The following RBM20 variants were observed in gnomAD, a reference collection of about 807,000 sequenced individuals.
The protein encoded by RBM20 is RNA binding motif protein 20.
In RBM20, 51 loss-of-function variants were observed where a neutral mutation model predicts 110.1. That is an observed-to-expected ratio of 0.46 (90% CI 0.37 to 0.59). The LOEUF is 0.59. Ranked by LOEUF, RBM20 falls within the 20% of genes least tolerant of loss-of-function variation. The pLI, the probability that RBM20 is intolerant of heterozygous loss-of-function variation, is 0.00. For missense variants in RBM20, 1,512 were observed against 1,574.9 expected (o/e 0.96, Z 0.68); for synonymous variants, 589 against 618.2 (o/e 0.95, Z 0.70).
intron 1 of RBM20, among the ~76,000 whole-genome samples, chr10:110,655,984 A>G (rs1444621884): frequency 6.6e-6 from 1 of 152,070 alleles, no homozygotes; most frequent in Non-Finnish European, 1.5e-5. Flanking sequence ...GATCCATTAA[A>G]CCATTAAACA....
chr10:110,799,395 A>G (rs188459096), intron 6 of RBM20, among the ~76,000 whole-genome samples: 1 of 152,162 alleles, frequency 6.6e-6, no homozygotes, highest in Non-Finnish European at 1.5e-5. Flanking sequence ...TGATGTTTAT[A>G]AAAAGGTCTC....
intron 5 of RBM20, among the ~76,000 whole-genome samples, chr10:110,792,135 C>A (rs1844490802): frequency 8.0e-6 from 1 of 125,674 alleles, no homozygotes; most frequent in Non-Finnish European, 1.6e-5. Context: ...CTATCTTCCT[C>A]TATCTGTCTA....
intron 1 of RBM20, among the ~76,000 whole-genome samples, chr10:110,700,756 CT>C (rs1590625099): frequency 6.6e-6 from 1 of 152,168 alleles, no homozygotes; most frequent in East Asian, 1.9e-4. Flanking sequence ...TGGCTCACCC[CT>C]GTCATCCTAG....
At chr10:110,773,390 T>A (rs187464118) in intron 1 of RBM20, among the ~76,000 whole-genome samples, 100 of 152,274 alleles carry the variant, frequency 6.6e-4, no homozygotes, top group African/African-American at 2.2e-3. Context: ...TATTAAAAAA[T>A]TTTGAAGCAA....
intron 1 of RBM20, among the ~76,000 whole-genome samples, chr10:110,748,038 C>A (rs1843804938): frequency 6.6e-6 from 1 of 152,172 alleles, no homozygotes; most frequent in Non-Finnish European, 1.5e-5. Flanking sequence ...CAACCTATAG[C>A]ACCTTTTAAT....
intron 7 of RBM20, among the ~76,000 whole-genome samples, chr10:110,805,496 C>T (rs1837600244): frequency 6.6e-6 from 1 of 152,210 alleles, no homozygotes; most frequent in African/African-American, 2.4e-5. Context: ...GGGCATGAAA[C>T]TTTCCAGCAG....
chr10:110,647,758 T>C (rs1256177174), intron 1 of RBM20, among the ~76,000 whole-genome samples: 1 of 152,236 alleles, frequency 6.6e-6, no homozygotes, highest in African/African-American at 2.4e-5. Flanking sequence ...AATCGTGAGC[T>C]TTAAAGTCAA....
chr10:110,662,082 C>T (rs924707341), intron 1 of RBM20, among the ~76,000 whole-genome samples: 8 of 151,308 alleles, frequency 5.3e-5, no homozygotes, highest in Non-Finnish European at 8.8e-5. Context: ...GCTGGGAGGA[C>T]GCTCAAGGGA....
At chr10:110,693,093 G>T (rs1862611702) in intron 1 of RBM20, among the ~76,000 whole-genome samples, 1 of 151,996 alleles carries the variant, frequency 6.6e-6, no homozygotes, top group Non-Finnish European at 1.5e-5. Flanking sequence ...AACTATCTTT[G>T]CATTCTGTGA....
chr10:110,669,306 G>A (rs9651418), intron 1 of RBM20, among the ~76,000 whole-genome samples: 71,989 of 151,952 alleles, frequency 0.47, 17,260 homozygotes, highest in East Asian at 0.67. Flanking sequence ...GGCGGGGTAG[G>A]GGGGACAGGG....
intron 1 of RBM20, among the ~76,000 whole-genome samples, chr10:110,779,874 A>G (rs544702507): frequency 1.3e-5 from 2 of 152,368 alleles, no homozygotes; most frequent in Admixed American, 1.3e-4. Context: ...GAGGACAAGG[A>G]TGAAAATGTG....
intron 1 of RBM20, among the ~76,000 whole-genome samples, chr10:110,724,164 C>T (rs1422678105): frequency 6.6e-6 from 1 of 152,078 alleles, no homozygotes; most frequent in Non-Finnish European, 1.5e-5. Flanking sequence ...AAACAAATCC[C>T]GTCTGCCAGT....
chr10:110,666,683 G>A (rs773006291), intron 1 of RBM20, among the ~76,000 whole-genome samples: 1 of 136,578 alleles, frequency 7.3e-6, no homozygotes, highest in African/African-American at 2.8e-5. Context: ...TGGCCAGCAA[G>A]TAGGAGGCTG....
At position 110,739,090 on chromosome 10, in the gene RBM20, G is replaced by T. The variant is rs1192232624; in HGVS notation, c.192-41711G>T. On this transcript the variant is annotated intron_variant, in intron 1 of 13. Transcript: ENST00000369519. This position sits in a 1 kb window ranked among gnomAD's most constrained non-coding sequence, Gnocchi z 4.1. The stretch of plus-strand genomic sequence containing the variant: ...GACAGTCAGGAAGTACCTGTCGCAG[G>T]TGGCATTTTCTGGCTGGGCACAGGA... Among the ~76,000 whole-genome samples, 1 of 152,192 alleles carries T rather than the reference G, an allele frequency of 6.6e-6. No homozygotes were observed. Among genetic ancestry groups the T allele is most frequent in the East Asian group, 1.9e-4 (1 of 5,192 alleles).
intron 5 of RBM20, 133 bp downstream of exon 5, chr10:110,785,022 C>T (rs1844403251): frequency 1.6e-6 from 1 of 629,586 alleles, no homozygotes; most frequent in African/African-American, 1.8e-5. Context: ...GAACTAACTC[C>T]TGGTCCCAAG....
At chr10:110,741,523 ACTC>A (rs766133964) in intron 1 of RBM20, among the ~76,000 whole-genome samples, 53 of 151,386 alleles carry the variant, frequency 3.5e-4, no homozygotes, top group Non-Finnish European at 6.0e-4. Context: ...GTCATCCTCA[ACTC>A]CTTCCTTTCC....
intron 10 of RBM20, among the ~76,000 whole-genome samples, chr10:110,820,923 G>C (rs1844900631): frequency 2.0e-5 from 3 of 152,290 alleles, no homozygotes; most frequent in Non-Finnish European, 1.5e-5. Flanking sequence ...GTTACATTTA[G>C]TGATGACCCA....
chr10:110,815,869 T>A (rs1331799065), intron 9 of RBM20, among the ~76,000 whole-genome samples: 1 of 152,070 alleles, frequency 6.6e-6, no homozygotes. Flanking sequence ...TGGAGTGGGG[T>A]CAGTAGGGAC....
chr10:110,801,935 T>G (rs1316534924), intron 7 of RBM20, among the ~76,000 whole-genome samples: 15 of 152,152 alleles, frequency 9.9e-5, no homozygotes, highest in Non-Finnish European at 2.1e-4. Context: ...ATCTGGATCT[T>G]CTCTGATGGG....
Sources: allele counts gnomAD v4.1 joint callset (sites outside exome capture counted in the v4.1 genomes callset), GRCh38; gene constraint gnomAD v4.1.1; non-coding constraint Gnocchi (gnomAD v3.1); transcripts MANE v1.5; gene names NCBI Gene and HGNC (gene_info 2026-07-23, HGNC 2026-07-21).